The following MAMDC2 variants were observed in gnomAD, a reference collection of about 807,000 sequenced individuals.
The protein encoded by MAMDC2 is MAM domain containing 2.
A neutral mutation model predicts 89.8 loss-of-function variants in MAMDC2; 57 were observed. That is an observed-to-expected ratio of 0.63 (90% CI 0.51 to 0.79). MAMDC2 has a LOEUF of 0.79. Among genes scored for constraint, MAMDC2 ranks in the 30% least tolerant of loss-of-function variants. The probability of loss-of-function intolerance (pLI) is 0.00; values close to 1 mark genes in which losing one functional copy is unlikely to be tolerated. For synonymous variants in MAMDC2, 313 were observed against 293.4 expected, an observed-to-expected ratio of 1.07 and a Z score of -0.68; for missense variants, 800 against 820.6, an observed-to-expected ratio of 0.97 and a Z score of 0.31.
chr9:70,208,647 C>G (rs1023140452), intron 11 of MAMDC2, among the ~76,000 whole-genome samples: 2 of 152,180 alleles, frequency 1.3e-5, no homozygotes, highest in Non-Finnish European at 2.9e-5. Flanking sequence ...CCTGACTGCC[C>G]TGGCCAGAAC....
intron 5 of MAMDC2, among the ~76,000 whole-genome samples, chr9:70,119,473 G>A (rs2030186971): frequency 6.6e-6 from 1 of 152,190 alleles, no homozygotes; most frequent in South Asian, 2.1e-4. Context: ...GGTGCGTGGT[G>A]TAAGTACTCG....
At chr9:70,221,687 T>C (rs973476222) in intron 12 of MAMDC2, among the ~76,000 whole-genome samples, 1 of 151,974 alleles carries the variant, frequency 6.6e-6, no homozygotes, top group African/African-American at 2.4e-5. Flanking sequence ...GTGACAGATA[T>C]GTTAATTAGC....
intron 2 of MAMDC2, among the ~76,000 whole-genome samples, chr9:70,046,140 G>C (rs1317097772): frequency 6.6e-6 from 1 of 152,176 alleles, no homozygotes; most frequent in East Asian, 1.9e-4. Flanking sequence ...AGCTGCATCA[G>C]AATCACCTGG....
chr9:70,108,349 A>G lies in MAMDC2; in HGVS notation c.287A>G (p.Asp96Gly). The G allele has an allele frequency of 6.2e-7, 1 of 1,614,108 alleles. No homozygotes were observed. The highest frequency in any genetic ancestry group is 8.5e-7 in the Non-Finnish European group (1 of 1,179,990). ...ACCACATCTTCGGAGTCTCTGTCAG[A>G]TCCCAGCCAGCTGAACCTCTACATG... The part of the protein sequence containing the change: ...QITTSSESLS[D>G]PSQLNLYMRF... Residue 96 changes from aspartate (D) to glycine (G), a missense_variant, in exon 3 of 14, where the codon GAT (aspartate) becomes GGT (glycine). Transcript: ENST00000377182.
At chr9:70,152,628 G>A (rs1204529681) in intron 9 of MAMDC2, among the ~76,000 whole-genome samples, 1 of 151,994 alleles carries the variant, frequency 6.6e-6, no homozygotes, top group Admixed American at 6.6e-5. Context: ...GTAGGATCAG[G>A]TCCAGCCCTA....
chr9:70,052,503 A>G (rs1445978809), intron 2 of MAMDC2, among the ~76,000 whole-genome samples: 2 of 152,100 alleles, frequency 1.3e-5, no homozygotes, highest in Non-Finnish European at 2.9e-5. Flanking sequence ...ACATTCCATA[A>G]CTTTTCCAGA....
At chr9:70,044,437 A>T (rs993104595) in intron 1 of MAMDC2, 147 bp from the exon 2 acceptor site, 2 of 797,482 alleles carry the variant, frequency 2.5e-6, no homozygotes, top group Non-Finnish European at 4.0e-6. Flanking sequence ...GCGCCCGGGG[A>T]TGCTGGGGGA....
At chr9:70,131,972 C>T (rs1223325067) in intron 7 of MAMDC2, among the ~76,000 whole-genome samples, 1 of 152,226 alleles carries the variant, frequency 6.6e-6, no homozygotes, top group Non-Finnish European at 1.5e-5. Context: ...ACAAAGCTCT[C>T]ACAATCTACT....
chr9:70,100,883 TTCTC>T (rs749268804), intron 2 of MAMDC2, among the ~76,000 whole-genome samples: 1 of 152,210 alleles, frequency 6.6e-6, no homozygotes, highest in Non-Finnish European at 1.5e-5. Context: ...CAATATACAT[TTCTC>T]TCTGTCTCTG....
At chr9:70,215,775 G>A (rs142355129) in intron 11 of MAMDC2, among the ~76,000 whole-genome samples, 4 of 152,324 alleles carry the variant, frequency 2.6e-5, no homozygotes, top group African/African-American at 4.8e-5. Flanking sequence ...GCCATATCCT[G>A]AGTCAGCCCA....
chr9:70,202,274 A>C (rs2033116736), intron 11 of MAMDC2, among the ~76,000 whole-genome samples: 1 of 151,548 alleles, frequency 6.6e-6, no homozygotes, highest in Non-Finnish European at 1.5e-5. Flanking sequence ...CGTTGGTTTC[A>C]AACAACATCT....
intron 11 of MAMDC2, among the ~76,000 whole-genome samples, chr9:70,214,306 T>C (rs2033406946): frequency 6.6e-6 from 1 of 151,884 alleles, no homozygotes; most frequent in South Asian, 2.1e-4. Flanking sequence ...TTAAAGGAGG[T>C]AAGAGAGTGA....
chr9:70,086,902 T>C (rs1463651666), intron 2 of MAMDC2: 1 of 152,146 alleles, frequency 6.6e-6, no homozygotes, highest in Non-Finnish European at 1.5e-5. Flanking sequence ...ATGATATAGA[T>C]AAGAGGAGAG....
At chr9:70,055,965 C>T (rs950791787) in intron 2 of MAMDC2, among the ~76,000 whole-genome samples, 1 of 152,166 alleles carries the variant, frequency 6.6e-6, no homozygotes, top group Non-Finnish European at 1.5e-5. Context: ...TTCTATTACT[C>T]TTAATAGAAT....
intron 2 of MAMDC2, among the ~76,000 whole-genome samples, chr9:70,055,868 T>C (rs1827014675): frequency 6.6e-6 from 1 of 152,208 alleles, no homozygotes. Flanking sequence ...CATCTATTCC[T>C]ACTGTGAAAG....
In MAMDC2 at chr9:70,056,698, G is replaced by A. The variant is rs12683934; in HGVS notation, c.148+12001G>A. Among the ~76,000 whole-genome samples the A allele has an allele frequency of 2.6e-4, 39 of 152,218 alleles. No homozygotes were observed. In the East Asian group the frequency reaches 5.6e-3, roughly 22 times the overall value. On this transcript the variant is annotated intron_variant, in intron 2 of 13. Transcript: ENST00000377182. ...GTCCCAACCCCCAGGCCACAGATCG[G>A]TACCGGTCTACTAGAAGCCCAGCCA...
chr9:70,049,310 C>T (rs1826835082), intron 2 of MAMDC2, among the ~76,000 whole-genome samples: 1 of 152,162 alleles, frequency 6.6e-6, no homozygotes, highest in Admixed American at 6.5e-5. Flanking sequence ...CTTGTCCCTT[C>T]TCTTTTAAGG....
intron 4 of MAMDC2, among the ~76,000 whole-genome samples, chr9:70,111,949 C>A (rs1184722499): frequency 6.6e-6 from 1 of 152,190 alleles, no homozygotes; most frequent in Non-Finnish European, 1.5e-5. Flanking sequence ...ATTTGTCAAA[C>A]AAGGGCTGCT....
intron 12 of MAMDC2, among the ~76,000 whole-genome samples, chr9:70,222,861 G>A (rs886293125): frequency 2.0e-5 from 3 of 152,136 alleles, no homozygotes; most frequent in African/African-American, 7.2e-5. Flanking sequence ...CAGGTTGGCA[G>A]GGTGCGGTGG....
Sources: allele counts gnomAD v4.1 joint callset (sites outside exome capture counted in the v4.1 genomes callset), GRCh38; gene constraint gnomAD v4.1.1; transcripts MANE v1.5; gene names NCBI Gene and HGNC (gene_info 2026-07-23, HGNC 2026-07-21).